ACTR3B: variants seen among roughly 807,000 people sequenced by gnomAD.
ACTR3B encodes the protein actin-related protein 3B.
In ACTR3B, 8 loss-of-function variants were observed where a neutral mutation model predicts 59.0. The observed-to-expected ratio is 0.14, with a 90% confidence interval of 0.08 to 0.24. The LOEUF (loss-of-function observed/expected upper bound fraction) is 0.24. ACTR3B is among the 10% of genes least tolerant of loss of function. The pLI is 1.00. For missense variants in ACTR3B, 245 were observed against 552.3 expected, an observed-to-expected ratio of 0.44 and a Z score of 5.58; for synonymous variants, 148 against 197.9, an observed-to-expected ratio of 0.75 and a Z score of 2.12.
At position 152,854,524 on chromosome 7, in the gene ACTR3B, C is replaced by T; in HGVS notation, c.1228C>T (p.His410Tyr). The change falls in exon 12 of 12, where the codon CAC becomes TAC. Residue 410 changes from histidine to tyrosine, a missense_variant. By Grantham distance (83) the His-to-Tyr change is moderately conservative. Around this residue, in one of 7 missense-constraint regions of ACTR3B, gnomAD observed 153 missense variants for 266.2 expected, o/e 0.57. Transcript: ENST00000256001. This position sits in a 1 kb window ranked among gnomAD's most constrained non-coding sequence, Gnocchi z 4.9. ...AGAGTACGGGCCCAGCATCTGCCGCCACAACCCCGTCTTTGGAGTCATGTC... is the reference window on the plus strand; with the variant it reads ...AGAGTACGGGCCCAGCATCTGCCGCTACAACCCCGTCTTTGGAGTCATGTC... ...YEEYGPSICR[H>Y]NPVFGVMS 6.2e-7 allele frequency: 1 copy of T among 1,614,154 alleles called. No homozygotes were observed. Among genetic ancestry groups the T allele is most frequent in the Non-Finnish European group, 8.5e-7 (1 of 1,180,036 alleles).
At chr7:152,829,408 A>G (rs1321097654) in intron 9 of ACTR3B, among the ~76,000 whole-genome samples, 1 of 152,188 alleles carries the variant, frequency 6.6e-6, no homozygotes, top group Non-Finnish European at 1.5e-5. Context: ...TGTGAGTTTG[A>G]CTAAAAATTC....
intron 9 of ACTR3B, among the ~76,000 whole-genome samples, chr7:152,843,314 T>TAAA (rs1226832234): frequency 1.3e-5 from 2 of 152,274 alleles, no homozygotes; most frequent in Non-Finnish European, 2.9e-5. Context: ...TTTGTACTTT[T>TAAA]AGCCCTTACA....
intron 9 of ACTR3B, among the ~76,000 whole-genome samples, chr7:152,844,835 G>A (rs551727255): frequency 2.1e-5 from 3 of 144,186 alleles, no homozygotes; most frequent in Middle Eastern, 3.5e-3. Context: ...AGGATTTAAT[G>A]TGAGTCTGAT....
intron 4 of ACTR3B, 111 bp downstream of exon 4, chr7:152,801,842 G>A (rs1423072361): frequency 2.2e-5 from 12 of 545,532 alleles, no homozygotes; most frequent in Admixed American, 3.9e-5. Context: ...AAAGATATGT[G>A]CATGAATCAG....
At position 152,852,236 on chromosome 7, in the gene ACTR3B, C is replaced by A; in HGVS notation, c.1062C>A (p.Ser354Arg). The change falls in exon 10 of 12, where the codon AGC becomes AGA. Residue 354 changes from serine to arginine, a missense_variant. Transcript: ENST00000256001. ...DARLRLSEEL[S>R]GGRIKPKPVE... The stretch of plus-strand genomic sequence containing the variant: ...GGCTGAGGCTCAGCGAGGAGCTCAG[C>A]GGCGGGAGGATCAAGGTAGGAGCCA... The A allele has an allele frequency of 6.3e-7, 1 of 1,592,512 alleles. No individual in the cohort carries two copies. The highest frequency in any genetic ancestry group is 8.6e-7 in the Non-Finnish European group (1 of 1,167,758).
intron 9 of ACTR3B, among the ~76,000 whole-genome samples, chr7:152,847,082 G>A (rs903646614): frequency 2.0e-5 from 3 of 148,638 alleles, no homozygotes; most frequent in East Asian, 4.0e-4. Context: ...CCCAGTGTCC[G>A]GGCTGTAGTC....
chr7:152,820,725 A>G (rs781663094), intron 7 of ACTR3B, among the ~76,000 whole-genome samples: 11 of 152,220 alleles, frequency 7.2e-5, no homozygotes, highest in Non-Finnish European at 1.6e-4. Context: ...TCACTGCTGG[A>G]GCCTCATCTA....
intron 10 of ACTR3B, among the ~76,000 whole-genome samples, chr7:152,852,713 A>T (rs1014411857): frequency 2.6e-5 from 4 of 152,208 alleles, no homozygotes; most frequent in African/African-American, 9.6e-5. Context: ...CTTCTAACCA[A>T]GAGTGGGCTT....
At position 152,814,662 on chromosome 7, in the gene ACTR3B, T is replaced by A; in HGVS notation, c.432+17T>A. 1 of 1,600,942 alleles carries A rather than the reference T, an allele frequency of 6.2e-7. No homozygotes were observed. The highest frequency in any genetic ancestry group is 8.6e-7 in the Non-Finnish European group (1 of 1,168,752). On this transcript the variant is annotated intron_variant, in intron 5 of 11. Transcript: ENST00000256001. ...GCAGTTCAGGTAAAACCAGTTACGT[T>A]TGTGATTCCTAAAGCACCTGAGCTG...
At chr7:152,767,099 T>G (rs1425806063) in intron 1 of ACTR3B, among the ~76,000 whole-genome samples, 47 of 151,438 alleles carry the variant, frequency 3.1e-4, no homozygotes, top group Admixed American at 3.1e-3. Flanking sequence ...GTAGGTTTTT[T>G]TTTTTTTTTT....
chr7:152,822,211 A>T (rs1463335956), intron 7 of ACTR3B, among the ~76,000 whole-genome samples: 1 of 152,212 alleles, frequency 6.6e-6, no homozygotes, highest in African/African-American at 2.4e-5. Flanking sequence ...TGGCATTAGA[A>T]TATGTTTCAG....
intron 10 of ACTR3B, among the ~76,000 whole-genome samples, chr7:152,852,940 C>T (rs1474122157): frequency 3.9e-5 from 6 of 151,926 alleles, no homozygotes; most frequent in South Asian, 2.1e-4. Context: ...TACAGGTGCC[C>T]GCCACCAAGC....
chr7:152,844,595 A>G (rs547490754), intron 9 of ACTR3B, among the ~76,000 whole-genome samples: 5 of 151,936 alleles, frequency 3.3e-5, no homozygotes, highest in Admixed American at 1.3e-4. Flanking sequence ...ACAAAGTTTT[A>G]TGATGATGTC....
At chr7:152,769,917 A>T (rs1230907624) in intron 1 of ACTR3B, among the ~76,000 whole-genome samples, 2 of 151,352 alleles carry the variant, frequency 1.3e-5, no homozygotes, top group African/African-American at 4.8e-5. Context: ...AATTATTAGT[A>T]GTCAACAAAT....
chr7:152,792,507 T>G (rs1312834398), intron 2 of ACTR3B, among the ~76,000 whole-genome samples: 3 of 151,980 alleles, frequency 2.0e-5, no homozygotes, highest in Non-Finnish European at 2.9e-5. Context: ...CCCAGCACTT[T>G]GGGAGGCAGA....
intron 1 of ACTR3B, among the ~76,000 whole-genome samples, chr7:152,766,909 C>T (rs980092850): frequency 2.6e-5 from 4 of 152,092 alleles, no homozygotes; most frequent in Admixed American, 2.0e-4. Flanking sequence ...GCTGCAGCCT[C>T]CCGAGTAGCT....
chr7:152,786,389 C>T (rs1342076132), intron 2 of ACTR3B: 1 of 230,680 alleles, frequency 4.3e-6, no homozygotes, highest in Admixed American at 5.8e-5. Flanking sequence ...CCCATCTCTA[C>T]TAAAAATACA....
intron 7 of ACTR3B, among the ~76,000 whole-genome samples, chr7:152,822,882 G>A (rs910463241): frequency 6.6e-6 from 1 of 152,182 alleles, no homozygotes; most frequent in Admixed American, 6.5e-5. Flanking sequence ...GGACCCAAAT[G>A]GGACCCAAAG....
chr7:152,823,642 C>T (rs1327849098), intron 8 of ACTR3B, 127 bp downstream of exon 8: 5 of 1,207,410 alleles, frequency 4.1e-6, no homozygotes, highest in African/African-American at 2.9e-5. Context: ...CTCTCTGCAT[C>T]CCCTGTGCAG....
Sources: gnomAD v4.1 joint callset for allele counts (sites outside exome capture counted in the v4.1 genomes callset) on GRCh38, gnomAD v4.1.1 for gene constraint, gnomAD v4.1.1 regional missense constraint, Gnocchi (gnomAD v3.1) non-coding constraint, MANE v1.5 for transcripts, NCBI Gene and HGNC (gene_info 2026-07-23, HGNC 2026-07-21) for gene names.